PIK3AP1: variants seen among roughly 807,000 people sequenced by gnomAD.
PIK3AP1 encodes the protein phosphoinositide 3-kinase adapter protein 1.
A neutral mutation model predicts 88.1 loss-of-function variants in PIK3AP1; 21 were observed. That is an observed-to-expected ratio of 0.24 (90% confidence interval 0.17 to 0.34). The LOEUF is 0.34. PIK3AP1 is among the 10% of genes least tolerant of loss of function. The probability of loss-of-function intolerance (pLI) is 1.00; values close to 1 mark genes in which losing one functional copy is unlikely to be tolerated. For missense variants in PIK3AP1, 828 were observed against 1,035.7 expected (o/e 0.80, Z 2.75); for synonymous variants, 398 against 400.0 (o/e 1.00, Z 0.06).
At chr10:96,603,943 A>G (rs773522980) in intron 15 of PIK3AP1, 36 bp downstream of exon 15, 3 of 1,527,700 alleles carry the variant, frequency 2.0e-6, no homozygotes, top group South Asian at 1.2e-5. Flanking sequence ...AACGACCCCT[A>G]GGACAGGATA....
chr10:96,695,439 T>C lies in PIK3AP1; in HGVS notation c.430+14128A>G, dbSNP rs1844207435. 1.3e-5 allele frequency among the ~76,000 whole-genome samples: 2 copies of C among 152,240 alleles called. 1 individual carries two copies. The highest frequency in any genetic ancestry group is 4.1e-4 in the South Asian group (2 of 4,832). ...TAAAAAGAAACTTATTTTAGTCTAA[T>C]TTAAAAGTAGAGCATTTTCATTTCA... On this transcript the variant is annotated intron_variant, in intron 2 of 16. Transcript: ENST00000339364.
At chr10:96,614,869 A>G (rs1849188106) in intron 13 of PIK3AP1, among the ~76,000 whole-genome samples, 1 of 152,230 alleles carries the variant, frequency 6.6e-6, no homozygotes, top group South Asian at 2.1e-4. Context: ...CACACAGCAG[A>G]CAAGTTTTTG....
rs1843535343 is a variant in PIK3AP1 at position 96,651,398 on chromosome 10, G to A, written c.856-18C>T. The A allele has an allele frequency of 6.2e-7, 1 of 1,614,184 alleles. No homozygotes were observed. The highest frequency in any genetic ancestry group is 1.7e-5 in the Admixed American group (1 of 60,026). On this transcript the variant is annotated intron_variant, in intron 5 of 16. Transcript: ENST00000339364. ...TTAAAGGCCTGAAAACAAAAGTGAAGATGGTCAGATCTGAAATCCAGCTCT... is the reference window on the plus strand; with the variant it reads ...TTAAAGGCCTGAAAACAAAAGTGAAAATGGTCAGATCTGAAATCCAGCTCT...
chr10:96,631,181 C>T (rs1843239967), intron 8 of PIK3AP1, among the ~76,000 whole-genome samples: 1 of 152,164 alleles, frequency 6.6e-6, no homozygotes, highest in South Asian at 2.1e-4. Flanking sequence ...GAAAACCATA[C>T]CTGTCTCAGG....
At chr10:96,686,252 C>T (rs1405681519) in intron 2 of PIK3AP1, among the ~76,000 whole-genome samples, 1 of 152,170 alleles carries the variant, frequency 6.6e-6, no homozygotes, top group Non-Finnish European at 1.5e-5. Context: ...TATCTGTGCT[C>T]CAAGACTTCA....
At chr10:96,619,083 C>T (rs771606701) in intron 12 of PIK3AP1, among the ~76,000 whole-genome samples, 1 of 152,220 alleles carries the variant, frequency 6.6e-6, no homozygotes, top group East Asian at 1.9e-4. Context: ...ACTGCCTCTT[C>T]GCCTCTCTGA....
intron 8 of PIK3AP1, chr10:96,632,781 T>G: frequency 5.0e-6 from 7 of 1,407,876 alleles, no homozygotes; most frequent in Middle Eastern, 1.8e-4. Context: ...AGGATCGCAA[T>G]GCATAGGTTC....
chr10:96,637,607 C>A (rs1327378435), intron 8 of PIK3AP1, among the ~76,000 whole-genome samples: 3 of 152,100 alleles, frequency 2.0e-5, no homozygotes, highest in Admixed American at 2.0e-4. Flanking sequence ...ACTTTGGCCT[C>A]CCAAAGTGCT....
intron 2 of PIK3AP1, among the ~76,000 whole-genome samples, chr10:96,694,489 C>T (rs1032835199): frequency 6.6e-6 from 1 of 150,644 alleles, no homozygotes; most frequent in Admixed American, 6.6e-5. Context: ...CTTCCCTCCC[C>T]TCCCCTCCCT....
intron 8 of PIK3AP1, among the ~76,000 whole-genome samples, chr10:96,638,436 G>A (rs1367614017): frequency 1.4e-5 from 2 of 144,910 alleles, no homozygotes; most frequent in Non-Finnish European, 3.0e-5. Flanking sequence ...AACAGAAAAC[G>A]GACTAAGACA....
chr10:96,636,348 A>G (rs1000630120), intron 8 of PIK3AP1, among the ~76,000 whole-genome samples: 1 of 152,254 alleles, frequency 6.6e-6, no homozygotes, highest in Non-Finnish European at 1.5e-5. Flanking sequence ...ATTAGGCACT[A>G]AGTCCTGGTA....
chr10:96,666,095 T>C (rs1843756611), intron 2 of PIK3AP1, among the ~76,000 whole-genome samples: 1 of 152,200 alleles, frequency 6.6e-6, no homozygotes, highest in South Asian at 2.1e-4. Flanking sequence ...AAGAATTAAA[T>C]ATGTATGACT....
intron 1 of PIK3AP1, among the ~76,000 whole-genome samples, chr10:96,718,906 C>G (rs1009440989): frequency 1.3e-5 from 2 of 152,116 alleles, no homozygotes; most frequent in Non-Finnish European, 2.9e-5. Flanking sequence ...TTTAACGCAC[C>G]ACATACACTC....
intron 8 of PIK3AP1, among the ~76,000 whole-genome samples, chr10:96,632,512 C>A (rs886496724): frequency 1.2e-4 from 18 of 151,766 alleles, no homozygotes; most frequent in African/African-American, 4.4e-4. Flanking sequence ...TGTCTGCCTA[C>A]ACTATCAAGC....
intron 14 of PIK3AP1, among the ~76,000 whole-genome samples, chr10:96,605,803 G>A (rs192650181): frequency 3.4e-4 from 52 of 152,318 alleles, no homozygotes; most frequent in African/African-American, 1.1e-3. Context: ...TAAGGAACAT[G>A]AGCCGGGTGC....
At chr10:96,682,238 T>G (rs115140418) in intron 2 of PIK3AP1, among the ~76,000 whole-genome samples, 2,909 of 152,266 alleles carry the variant, frequency 0.019, 88 homozygotes, top group African/African-American at 0.066. Flanking sequence ...ATTCTAACGA[T>G]TGAAGCTTTA....
chr10:96,640,873 G>A (rs1308016021), intron 8 of PIK3AP1, among the ~76,000 whole-genome samples: 1 of 152,026 alleles, frequency 6.6e-6, no homozygotes, highest in African/African-American at 2.4e-5. Flanking sequence ...ATGCTGCCCA[G>A]GCTGGTCTCG....
chr10:96,707,201 A>G (rs1844375949), intron 2 of PIK3AP1, among the ~76,000 whole-genome samples: 1 of 152,256 alleles, frequency 6.6e-6, no homozygotes, highest in Admixed American at 6.5e-5. Context: ...GAAGAGATCA[A>G]TTTATCCAGG....
chr10:96,719,729 G>C (rs1777451455), intron 1 of PIK3AP1, among the ~76,000 whole-genome samples: 1 of 152,172 alleles, frequency 6.6e-6, no homozygotes, highest in African/African-American at 2.4e-5. Context: ...AGACCAGCCA[G>C]AAAAGACGCT....
Sources: gnomAD v4.1 joint callset for allele counts (sites outside exome capture counted in the v4.1 genomes callset) on GRCh38, gnomAD v4.1.1 for gene constraint, MANE v1.5 for transcripts, NCBI Gene and HGNC (gene_info 2026-07-23, HGNC 2026-07-21) for gene names.